The following CCT3 variants were observed in gnomAD, a reference collection of about 807,000 sequenced individuals.
The protein encoded by CCT3 is chaperonin containing TCP1 subunit 3.
A neutral mutation model predicts 65.3 loss-of-function variants in CCT3; 10 were observed. The observed-to-expected ratio is 0.15, with a 90% CI of 0.09 to 0.26. The LOEUF (loss-of-function observed/expected upper bound fraction) is 0.26, where lower values mean the gene tolerates loss of function less well. Ranked by LOEUF, CCT3 falls within the 10% of genes least tolerant of loss-of-function variation. The probability of loss-of-function intolerance (pLI) is 1.00; values close to 1 mark genes in which losing one functional copy is unlikely to be tolerated. For missense variants in CCT3, 626 were observed against 708.7 expected (o/e 0.88, Z 1.33); for synonymous variants, 225 against 242.3 (o/e 0.93, Z 0.66).
At chr1:156,309,353 A>G (rs377203568) in intron 13 of CCT3, 50 bp from the exon 14 acceptor site, 7 of 1,261,026 alleles carry the variant, frequency 5.6e-6, no homozygotes, top group Admixed American at 1.7e-5. Flanking sequence ...AGGAAAGGAC[A>G]CTTTTCTTTC....
chr1:156,329,520 T>C (rs1665013703), intron 5 of CCT3, among the ~76,000 whole-genome samples: 1 of 151,902 alleles, frequency 6.6e-6, no homozygotes, highest in African/African-American at 2.4e-5. Flanking sequence ...TTGGTCAGGA[T>C]GGTCTCGAAT....
intron 8 of CCT3, among the ~76,000 whole-genome samples, chr1:156,318,267 A>T (rs59468948): frequency 0.24 from 34,143 of 145,244 alleles, 4,567 homozygotes; most frequent in Non-Finnish European, 0.29. Flanking sequence ...ACTGTTGCTC[A>T]GGCTGGAGTT....
chr1:156,328,200 G>GT (rs1277055959), intron 5 of CCT3, among the ~76,000 whole-genome samples: 2 of 116,822 alleles, frequency 1.7e-5, no homozygotes, highest in Non-Finnish European at 4.0e-5. Flanking sequence ...GAGGGAGGTG[G>GT]GGGGGGTCAG....
chr1:156,318,975 C>T lies in CCT3; in HGVS notation c.652G>A (p.Val218Ile). 1 of 1,614,088 alleles carries T rather than the reference C, an allele frequency of 6.2e-7. No individual in the cohort carries two copies. ...IIEDSCVLRGVMINKDVTHPR... is the reference protein window; with the variant it reads ...IIEDSCVLRGIMINKDVTHPR... ...TGGGTCACATCCTTGTTAATCATGA[C>T]TCCACGCAAGACACAGGAGTCTTCA... is the stretch of plus-strand genomic sequence containing the variant. Residue 218 changes from valine to isoleucine, a missense_variant, in exon 8 of 14, where the codon GTC (valine) becomes ATC (isoleucine). By Grantham distance (29) the Val-to-Ile change is conservative (BLOSUM62 3). Coordinates refer to ENST00000295688, the MANE Select transcript of CCT3 (RefSeq NM_005998.5).
intron 5 of CCT3, among the ~76,000 whole-genome samples, chr1:156,328,872 A>AAAAT (rs1664980135): frequency 4.0e-5 from 6 of 151,340 alleles, no homozygotes; most frequent in Non-Finnish European, 7.4e-5. Flanking sequence ...AAATAAAAAA[A>AAAAT]AAAAATGTAC....
intron 6 of CCT3, among the ~76,000 whole-genome samples, chr1:156,324,533 G>C (rs1418360601): frequency 1.3e-5 from 2 of 151,996 alleles, no homozygotes; most frequent in Non-Finnish European, 2.9e-5. Context: ...GTGCAGTGGA[G>C]AGATCTTGGC....
chr1:156,311,037 C>T lies in CCT3; in HGVS notation c.1314G>A (p.Arg438=), dbSNP rs752592888. ...AMTGVEQWPY[R]AVAQALEVIP... The stretch of plus-strand genomic sequence containing the variant: ...TGACCTCTAGGGCCTGGGCAACAGC[C>T]CTGTATGGCCATTGTTCCACACCAG... The change falls in exon 12 of 14, where the codon AGG becomes AGA. Residue 438 remains arginine, a synonymous_variant. Transcript: ENST00000295688. 1 of 1,614,022 alleles carries T rather than the reference C, an allele frequency of 6.2e-7. No homozygotes were observed. The highest frequency in any genetic ancestry group is 8.5e-7 in the Non-Finnish European group (1 of 1,180,010).
chr1:156,313,504 A>AT (rs1459593182), intron 10 of CCT3, among the ~76,000 whole-genome samples: 2 of 152,176 alleles, frequency 1.3e-5, no homozygotes, highest in African/African-American at 4.8e-5. Flanking sequence ...GAGCACCAGG[A>AT]TTTTGTGCAA....
chr1:156,314,012 A>G (rs1047289494), intron 10 of CCT3, among the ~76,000 whole-genome samples: 4 of 149,916 alleles, frequency 2.7e-5, no homozygotes, highest in African/African-American at 9.8e-5. Flanking sequence ...CGCTTGAACC[A>G]GGAGGCGGAG....
chr1:156,325,617 G>T (rs970223570), intron 5 of CCT3, among the ~76,000 whole-genome samples: 2 of 144,606 alleles, frequency 1.4e-5, no homozygotes, highest in Non-Finnish European at 3.0e-5. Flanking sequence ...TCGCTGTGTC[G>T]CCCAGGCTGG....
At chr1:156,317,654 G>C (rs1376242904) in intron 8 of CCT3, 107 bp from the exon 9 acceptor site, 3 of 1,087,474 alleles carry the variant, frequency 2.8e-6, no homozygotes, top group African/African-American at 3.2e-5. Flanking sequence ...CTCAGAGTCA[G>C]AATTATGTTA....
chr1:156,337,118 T>C, intron 1 of CCT3: 1 of 1,282,874 alleles, frequency 7.8e-7, no homozygotes, highest in Non-Finnish European at 1.0e-6. Context: ...CAGAAAAAAA[T>C]AAGGGACCGG....
chr1:156,312,804 T>C (rs563686888), intron 10 of CCT3, among the ~76,000 whole-genome samples: 10 of 152,250 alleles, frequency 6.6e-5, no homozygotes, highest in African/African-American at 2.2e-4. Flanking sequence ...ATATTGAAAA[T>C]GCAGGTTTTA....
At chr1:156,333,888 C>A (rs1665217958) in intron 4 of CCT3, among the ~76,000 whole-genome samples, 1 of 152,204 alleles carries the variant, frequency 6.6e-6, no homozygotes, top group Non-Finnish European at 1.5e-5. Context: ...AGAACGATAT[C>A]TTTTAGCTTA....
At chr1:156,322,250 T>C (rs557714831) in intron 6 of CCT3, among the ~76,000 whole-genome samples, 3 of 151,928 alleles carry the variant, frequency 2.0e-5, no homozygotes, top group Non-Finnish European at 4.4e-5. Context: ...AAAAATAATT[T>C]TTTTGGGAGG....
chr1:156,330,581 G>A (rs960096219), intron 5 of CCT3, among the ~76,000 whole-genome samples: 5 of 151,936 alleles, frequency 3.3e-5, no homozygotes, highest in South Asian at 2.1e-4. Context: ...TGAGAATCAC[G>A]AGCCCAGGAG....
chr1:156,326,980 A>G (rs1285177236), intron 5 of CCT3, among the ~76,000 whole-genome samples: 1 of 152,206 alleles, frequency 6.6e-6, no homozygotes, highest in Admixed American at 6.5e-5. Flanking sequence ...TGAGAGGCAG[A>G]GGTTGCAGTG....
chr1:156,325,103 A>C lies in CCT3; in HGVS notation c.305-14T>G. 6.4e-7 allele frequency: 1 copy of C among 1,551,294 alleles called. No individual in the cohort carries two copies. The highest frequency in any genetic ancestry group is 8.9e-7 in the Non-Finnish European group (1 of 1,126,932). The stretch of plus-strand genomic sequence containing the variant: ...GCATTTCCCCTGCTGAAAAAGATAC[A>C]AGCACCATAGTAATATTTAAAGCAT... On this transcript the variant is annotated splice_polypyrimidine_tract_variant and intron_variant, in intron 5 of 13. Coordinates refer to ENST00000295688, the MANE Select transcript of CCT3 (RefSeq NM_005998.5).
Position 156,312,110 on chromosome 1 carries a change from GAAAGT to G in CCT3, c.1081_1085del (p.Thr361HisfsTer3). ...CCTTGGGGTCTTTGCAGTCAGTGAT[GAAAGT>G]AAAGTATTCATCTCCAATTTTCTTG... On this transcript the variant is annotated frameshift_variant, in exon 11 of 14. Transcript: ENST00000295688. LOFTEE classifies it high-confidence loss of function. 1 of 1,613,866 alleles carries G rather than the reference GAAAGT, an allele frequency of 6.2e-7. No homozygotes were observed.
Sources: gnomAD v4.1 joint callset for allele counts (sites outside exome capture counted in the v4.1 genomes callset) on GRCh38, gnomAD v4.1.1 for gene constraint, MANE v1.5 for transcripts, NCBI Gene and HGNC (gene_info 2026-07-23, HGNC 2026-07-21) for gene names.